The following MTX3 variants were observed in gnomAD, a reference collection of about 807,000 sequenced individuals.
MTX3 encodes the protein metaxin-3.
A neutral mutation model predicts 42.5 loss-of-function variants in MTX3; 27 were observed. The observed-to-expected ratio is 0.64, with a 90% CI of 0.47 to 0.88. MTX3 has a LOEUF of 0.88. Among genes scored for constraint, MTX3 ranks in the 40% least tolerant of loss-of-function variants. MTX3 has a pLI of 0.00. For synonymous variants in MTX3, 144 were observed against 132.9 expected (o/e 1.08, Z -0.57); for missense variants, 378 against 367.0 (o/e 1.03, Z -0.25).
At chr5:79,990,525 C>T (rs1406258474) in intron 2 of MTX3, 69 bp downstream of exon 2, 1 of 1,002,862 alleles carries the variant, frequency 1.0e-6, no homozygotes. Flanking sequence ...TAGCTATATA[C>T]CTCACAGCTT....
intron 7 of MTX3, 94 bp from the exon 8 acceptor site, chr5:79,985,753 G>C (rs1047794733): frequency 1.3e-6 from 1 of 772,020 alleles, no homozygotes; most frequent in East Asian, 2.7e-5. Flanking sequence ...TACCCACCCT[G>C]TCCAGTGCCC....
At chr5:79,986,599 T>C (rs908803934) in intron 7 of MTX3, 9 of 384,166 alleles carry the variant, frequency 2.3e-5, no homozygotes, top group Middle Eastern at 5.1e-4. Flanking sequence ...TTTAAAGTAA[T>C]TGTCCATTTG....
intron 8 of MTX3, among the ~76,000 whole-genome samples, chr5:79,984,588 G>A (rs530036392): frequency 6.6e-6 from 1 of 151,088 alleles, no homozygotes; most frequent in East Asian, 1.9e-4. Flanking sequence ...TGCCCTATGA[G>A]TTTGTAAAAT....
intron 8 of MTX3, among the ~76,000 whole-genome samples, chr5:79,984,355 G>T (rs1831442242): frequency 6.6e-6 from 1 of 152,120 alleles, no homozygotes; most frequent in Non-Finnish European, 1.5e-5. Context: ...TTACCTCAAT[G>T]AAAATGACCT....
At chr5:79,988,764 A>T in intron 4 of MTX3, 120 bp from the exon 5 acceptor site, 1 of 908,380 alleles carries the variant, frequency 1.1e-6, no homozygotes. Context: ...CAAATTTTCC[A>T]GTTAGAATGA....
rs754201521 is a variant in MTX3, at chr5:79,988,422, C to G, written c.504+40G>C. The G allele has an allele frequency of 3.2e-6, 5 of 1,584,606 alleles. No homozygotes were observed. The African/African-American group carries it at 6.8e-5, about 22-fold the overall frequency. Reference sequence around the variant, plus strand: ...AAGTCTGCATTTTATCTTGTCCTTTCTCTCTAGGGCCCTTGCTTGAAGAAT... The same window carrying G: ...AAGTCTGCATTTTATCTTGTCCTTTGTCTCTAGGGCCCTTGCTTGAAGAAT... On this transcript the variant is annotated intron_variant, in intron 5 of 8. Transcript: ENST00000512528.
intron 1 of MTX3, chr5:79,990,923 T>G (rs770045273): frequency 1.4e-6 from 1 of 709,944 alleles, no homozygotes; most frequent in Non-Finnish European, 2.6e-6. Flanking sequence ...CCAGACAGCT[T>G]TGTGAGGCGG....
At chr5:79,985,907 A>G (rs1008808082) in intron 7 of MTX3, among the ~76,000 whole-genome samples, 1 of 148,720 alleles carries the variant, frequency 6.7e-6, no homozygotes, top group Admixed American at 6.8e-5. Context: ...GTGTTCTGCA[A>G]TTGGCCACAA....
In MTX3 at chr5:79,981,826, A is replaced by C. The variant is rs1457785253; in HGVS notation, c.*1858T>G. The C allele has an allele frequency of 6.6e-6, 1 of 152,020 alleles. No individual in the cohort carries two copies. Among genetic ancestry groups the C allele is most frequent in the Non-Finnish European group, 1.5e-5 (1 of 67,992 alleles). The allele number at this position is 152,020 out of a possible 1,614,324, so 9.4% of individuals were successfully genotyped here. On this transcript the variant is annotated 3_prime_UTR_variant, in exon 9 of 9. Coordinates refer to ENST00000512528, the MANE Select transcript of MTX3 (RefSeq NM_001363818.2). ...TTTAAATTGTCCTGTTTTACATGTA[A>C]TATACTTGTAATATACATGTAATGT...
chr5:79,989,272 C>T (rs1406769490), intron 3 of MTX3, 28 bp from the exon 4 acceptor site: 3 of 1,441,140 alleles, frequency 2.1e-6, no homozygotes, highest in South Asian at 2.6e-5. Context: ...ACCAAAGAAA[C>T]TCAGAAGTCA....
intron 4 of MTX3, among the ~76,000 whole-genome samples, chr5:79,988,938 A>G (rs1003182760): frequency 6.6e-6 from 1 of 152,248 alleles, no homozygotes; most frequent in African/African-American, 2.4e-5. Flanking sequence ...CATCTCCCAC[A>G]AAGAATTTCC....
At position 79,990,643 on chromosome 5, in the gene MTX3, A is replaced by G; in HGVS notation, c.102T>C (p.Gly34=). 1.2e-6 allele frequency: 2 copies of G among 1,613,494 alleles called. No homozygotes were observed. Among genetic ancestry groups the G allele is most frequent in the Non-Finnish European group, 1.7e-6 (2 of 1,179,634 alleles). ...CTATCACATTGACTTTCAAGGGTGCACCAGAAAATTTGGCATAAGCCTGAA... is the reference window on the plus strand; with the variant it reads ...CTATCACATTGACTTTCAAGGGTGCGCCAGAAAATTTGGCATAAGCCTGAA... ...LVVMAYAKFS[G]APLKVNVIDN... The change falls in exon 2 of 9, where the codon GGT becomes GGC. Residue 34 remains glycine, a synonymous_variant. Transcript: ENST00000512528.
rs1372751737 is a variant in MTX3 at position 79,982,524 on chromosome 5, C to CA, written c.*1159dup. 4.9e-6 allele frequency: 2 copies of CA among 406,774 alleles called. No individual in the cohort carries two copies. The highest frequency in any genetic ancestry group is 9.9e-6 in the Non-Finnish European group (2 of 202,024). 25.2% of individuals were successfully genotyped at this position (406,774 alleles called of 1,614,324 possible). On this transcript the variant is annotated 3_prime_UTR_variant, in exon 9 of 9. Coordinates refer to ENST00000512528, the MANE Select transcript of MTX3 (RefSeq NM_001363818.2). Reference sequence around the variant, plus strand: ...TAGTTTTAGGACAACAGAAGCACCTCAACCACTAAAATAAGCAAGTTTCTA... The same window carrying CA: ...TAGTTTTAGGACAACAGAAGCACCTCAAACCACTAAAATAAGCAAGTTTCTA...
intron 7 of MTX3, chr5:79,986,722 G>A: frequency 3.5e-6 from 2 of 570,728 alleles, no homozygotes; most frequent in East Asian, 3.4e-5. Flanking sequence ...AAGAAGAAAC[G>A]TAAAAATCCA....
At chr5:79,987,213 G>A (rs1831515493) in intron 6 of MTX3, 106 bp from the exon 7 acceptor site, 1 of 944,018 alleles carries the variant, frequency 1.1e-6, no homozygotes, top group Non-Finnish European at 1.6e-6. Context: ...ATCAAGCGGG[G>A]GCAGATCACT....
In MTX3 at chr5:79,991,233, C is replaced by T. The variant is rs1831661761; in HGVS notation, c.6G>A (p.Ala2=). 6.9e-7 allele frequency: 1 copy of T among 1,451,916 alleles called. No individual in the cohort carries two copies. Among genetic ancestry groups the T allele is most frequent in the Admixed American group, 2.8e-5 (1 of 36,014 alleles). The allele number at this position is 1,451,916 out of a possible 1,614,324, so 89.9% of individuals were successfully genotyped here. The change falls in exon 1 of 9, where the codon GCG becomes GCA. Residue 2 remains alanine, a synonymous_variant. Coordinates refer to ENST00000512528, the MANE Select transcript of MTX3 (RefSeq NM_001363818.2). The part of the protein sequence containing the change: M[A]APLELSCWGG... The stretch of plus-strand genomic sequence containing the variant: ...CCCAGCAACTGAGTTCCAAGGGGGC[C>T]GCCATCTTGCGCGGGCCGACCTTTA...
rs1382279818 is a variant in MTX3, at chr5:79,988,658, G to GA, written c.322-15dup. On this transcript the variant is annotated splice_polypyrimidine_tract_variant and intron_variant, in intron 4 of 8. Coordinates refer to ENST00000512528, the MANE Select transcript of MTX3 (RefSeq NM_001363818.2). ...GAATGTGTGAAGCTGCAAAAGAAGA[G>GA]AAAAAACACTACAAGGATGTTCTTT... 4 of 1,547,418 alleles carry GA rather than the reference G, an allele frequency of 2.6e-6. No homozygotes were observed. The highest frequency in any genetic ancestry group is 2.4e-5 in the South Asian group (2 of 81,824).
At chr5:79,986,786 T>C (rs185608252) in intron 7 of MTX3, 164 bp downstream of exon 7, 1 of 621,610 alleles carries the variant, frequency 1.6e-6, no homozygotes, top group Admixed American at 3.0e-5. Context: ...AGAACTAACA[T>C]GAGAATAAAA....
intron 2 of MTX3, 85 bp from the exon 3 acceptor site, chr5:79,990,321 C>A: frequency 1.1e-6 from 1 of 942,700 alleles, no homozygotes. Flanking sequence ...ATAGCAGTTG[C>A]ACATTTAGAG....
Sources: gnomAD v4.1 joint callset for allele counts (sites outside exome capture counted in the v4.1 genomes callset) on GRCh38, gnomAD v4.1.1 for gene constraint, MANE v1.5 for transcripts, NCBI Gene and HGNC (gene_info 2026-07-23, HGNC 2026-07-21) for gene names.